Variants in ROBO2 observed in about 807,000 individuals in gnomAD.
The protein encoded by ROBO2 is roundabout homolog 2.
Under a neutral mutation model 160.8 loss-of-function variants are expected in ROBO2, and 53 were observed. The ratio of observed to expected loss-of-function variants is 0.33; its 90% CI spans 0.26 to 0.41. The LOEUF (loss-of-function observed/expected upper bound fraction) is 0.41. Among genes scored for constraint, ROBO2 ranks in the 10% least tolerant of loss-of-function variants. ROBO2 has a pLI of 1.00. For synonymous variants in ROBO2, 664 were observed against 611.7 expected, an observed-to-expected ratio of 1.09 and a Z score of -1.26; for missense variants, 1,577 against 1,722.4, an observed-to-expected ratio of 0.92 and a Z score of 1.49.
intron 2 of ROBO2, among the ~76,000 whole-genome samples, chr3:77,215,624 A>G (rs961272198): frequency 1.9e-4 from 29 of 152,076 alleles, no homozygotes; most frequent in African/African-American, 6.5e-4. Context: ...GCTGGTGAGG[A>G]GCTGCGTTCC....
At chr3:76,987,945 A>G (rs1439492675) in intron 2 of ROBO2, among the ~76,000 whole-genome samples, 1 of 152,164 alleles carries the variant, frequency 6.6e-6, no homozygotes, top group East Asian at 1.9e-4. Context: ...GTGATATTAA[A>G]ATAATCTATA....
intron 2 of ROBO2, among the ~76,000 whole-genome samples, chr3:76,521,591 T>C (rs891824410): frequency 2.6e-5 from 4 of 152,144 alleles, no homozygotes; most frequent in Non-Finnish European, 5.9e-5. Context: ...AGCCTCAACT[T>C]TCTCAGTGGA....
At chr3:76,111,437 A>G (rs2070226550) in intron 2 of ROBO2, among the ~76,000 whole-genome samples, 1 of 152,052 alleles carries the variant, frequency 6.6e-6, no homozygotes, top group African/African-American at 2.4e-5. Context: ...TCCCATATTA[A>G]GCCACCTGGA....
chr3:76,281,835 A>G (rs1445652023), intron 2 of ROBO2, among the ~76,000 whole-genome samples: 1 of 151,984 alleles, frequency 6.6e-6, no homozygotes, highest in East Asian at 1.9e-4. Flanking sequence ...CCTGGTGCCT[A>G]TGAGATTGTT....
At chr3:76,461,262 C>G (rs1222656745) in intron 2 of ROBO2, among the ~76,000 whole-genome samples, 1 of 152,108 alleles carries the variant, frequency 6.6e-6, no homozygotes, top group African/African-American at 2.4e-5. Context: ...TCAGATCTCA[C>G]AAGATCTCAC....
chr3:76,705,530 A>G (rs937918902), intron 2 of ROBO2, among the ~76,000 whole-genome samples: 1 of 152,138 alleles, frequency 6.6e-6, no homozygotes, highest in African/African-American at 2.4e-5. Flanking sequence ...AAAAAAGGCC[A>G]TTGGATTTGT....
At chr3:75,948,255 TATTTTA>T (rs1426910268) in intron 2 of ROBO2, among the ~76,000 whole-genome samples, 1 of 152,086 alleles carries the variant, frequency 6.6e-6, no homozygotes, top group Non-Finnish European at 1.5e-5. Flanking sequence ...GTTTTTGTTT[TATTTTA>T]ATTGAGATTT....
At chr3:76,045,964 C>T (rs550773435) in intron 2 of ROBO2, among the ~76,000 whole-genome samples, 3 of 151,928 alleles carry the variant, frequency 2.0e-5, no homozygotes, top group Admixed American at 1.3e-4. Flanking sequence ...TCATTTCCTG[C>T]TTTTCTTTGC....
At chr3:75,984,712 A>G (rs1420447982) in intron 2 of ROBO2, among the ~76,000 whole-genome samples, 3 of 151,418 alleles carry the variant, frequency 2.0e-5, no homozygotes, top group Admixed American at 6.6e-5. Flanking sequence ...TTTATGAGGA[A>G]TGGAGAAGTT....
At chr3:76,036,937 C>T (rs1197086790) in intron 2 of ROBO2, among the ~76,000 whole-genome samples, 2 of 151,988 alleles carry the variant, frequency 1.3e-5, no homozygotes, top group East Asian at 1.9e-4. Context: ...TTTACCATAG[C>T]GAACTTACCC....
intron 2 of ROBO2, among the ~76,000 whole-genome samples, chr3:76,493,344 T>TATATATATATATATATAG (rs2079947243): frequency 8.6e-6 from 1 of 116,574 alleles, no homozygotes; most frequent in African/African-American, 3.0e-5. Context: ...AAATTATATA[T>TATATATATATATATATAG]ATATATATAT....
intron 2 of ROBO2, among the ~76,000 whole-genome samples, chr3:76,894,424 A>G (rs1370910254): frequency 1.3e-5 from 2 of 152,136 alleles, no homozygotes; most frequent in African/African-American, 2.4e-5. Context: ...TTATGTCAAA[A>G]TATGTAAGAA....
chr3:77,493,274 A>C (rs2086363648), exon 5 of ROBO2: 1 of 1,613,952 alleles, frequency 6.2e-7, no homozygotes, highest in East Asian at 2.2e-5. Flanking sequence ...AGGCCAATTA[A>C]CCAGGTGGTA....
chr3:77,508,620 T>G (rs868734841), intron 5 of ROBO2, among the ~76,000 whole-genome samples: 1 of 151,786 alleles, frequency 6.6e-6, no homozygotes, highest in South Asian at 2.1e-4. Flanking sequence ...TCTGCAGCTA[T>G]TCATAGTGTA....
At chr3:77,426,117 G>A (rs531545567) in intron 2 of ROBO2, among the ~76,000 whole-genome samples, 1 of 152,210 alleles carries the variant, frequency 6.6e-6, no homozygotes, top group African/African-American at 2.4e-5. Flanking sequence ...CACGTTAAAG[G>A]TCGTTCAGCT....
At chr3:76,096,084 G>A (rs1044868066) in intron 2 of ROBO2, among the ~76,000 whole-genome samples, 1 of 151,926 alleles carries the variant, frequency 6.6e-6, no homozygotes, top group African/African-American at 2.4e-5. Context: ...ATATTGACAG[G>A]CCTCGTAAGC....
intron 2 of ROBO2, among the ~76,000 whole-genome samples, chr3:76,059,666 C>T (rs1031112587): frequency 6.6e-6 from 1 of 152,008 alleles, no homozygotes; most frequent in Non-Finnish European, 1.5e-5. Context: ...TAGATCCTAT[C>T]TGTCAATTTT....
chr3:76,655,980 T>G (rs745409437), intron 2 of ROBO2, among the ~76,000 whole-genome samples: 101 of 152,274 alleles, frequency 6.6e-4, no homozygotes, highest in Middle Eastern at 3.4e-3. Flanking sequence ...ATGTTATTCT[T>G]GCTTAGAATA....
intron 5 of ROBO2, among the ~76,000 whole-genome samples, chr3:77,495,015 TC>T (rs550792208): frequency 3.0e-4 from 46 of 152,354 alleles, no homozygotes; most frequent in African/African-American, 1.0e-3. Context: ...GTGAGGCTTT[TC>T]ATGCCCTCTC....
Sources: gnomAD v4.1 joint callset for allele counts (sites outside exome capture counted in the v4.1 genomes callset) on GRCh38, gnomAD v4.1.1 for gene constraint, MANE v1.5 for transcripts, NCBI Gene and HGNC (gene_info 2026-07-23, HGNC 2026-07-21) for gene names.